SLC4A4: variants seen among roughly 807,000 people sequenced by gnomAD.
The protein encoded by SLC4A4 is solute carrier family 4 member 4.
A neutral mutation model predicts 111.5 loss-of-function variants in SLC4A4; 27 were observed. That is an observed-to-expected ratio of 0.24 (90% CI 0.18 to 0.33). The LOEUF (loss-of-function observed/expected upper bound fraction) is 0.33, where lower values mean the gene tolerates loss of function less well. Among genes scored for constraint, SLC4A4 ranks in the 10% least tolerant of loss-of-function variants. The pLI is 1.00. For synonymous variants in SLC4A4, 443 were observed against 463.4 expected (o/e 0.96, Z 0.57); for missense variants, 909 against 1,315.5 (o/e 0.69, Z 4.78).
chr4:71,353,294 T>A (rs1730005622), intron 5 of SLC4A4, among the ~76,000 whole-genome samples: 1 of 152,206 alleles, frequency 6.6e-6, no homozygotes, highest in South Asian at 2.1e-4. Flanking sequence ...CACTAATATG[T>A]TTGCTCTGCA....
intron 3 of SLC4A4, 142 bp downstream of exon 3, chr4:71,255,541 G>T (rs1404519189): frequency 3.2e-6 from 3 of 947,990 alleles, no homozygotes; most frequent in Non-Finnish European, 5.1e-6. Flanking sequence ...GATAATGTCT[G>T]TGGAGATGCT....
At chr4:71,487,508 G>A (rs960254454) in intron 15 of SLC4A4, among the ~76,000 whole-genome samples, 1 of 151,510 alleles carries the variant, frequency 6.6e-6, no homozygotes, top group African/African-American at 2.4e-5. Flanking sequence ...CCCATGGCTG[G>A]TAACCAAGGA....
chr4:71,392,110 A>G (rs190405897), intron 6 of SLC4A4, among the ~76,000 whole-genome samples: 1 of 152,264 alleles, frequency 6.6e-6, no homozygotes, highest in Admixed American at 6.5e-5. Flanking sequence ...AAAATGCCAC[A>G]CACCAATTTC....
intron 1 of SLC4A4, among the ~76,000 whole-genome samples, chr4:71,221,471 T>A (rs1002899654): frequency 6.6e-6 from 1 of 152,200 alleles, no homozygotes; most frequent in Non-Finnish European, 1.5e-5. Context: ...AGTGTAACCA[T>A]GGAATCAGAA....
intron 2 of SLC4A4, among the ~76,000 whole-genome samples, chr4:71,245,186 G>A (rs1720563063): frequency 6.6e-6 from 1 of 152,122 alleles, no homozygotes; most frequent in East Asian, 1.9e-4. Context: ...GTGAACAGGG[G>A]GAGAGTTCTG....
chr4:71,404,046 A>G (rs1276012885), intron 7 of SLC4A4, among the ~76,000 whole-genome samples: 1 of 152,204 alleles, frequency 6.6e-6, no homozygotes, highest in African/African-American at 2.4e-5. Context: ...TCCCAGTTAA[A>G]AGGTCATCCA....
rs1021006000 is a variant in SLC4A4 at position 71,340,502 on chromosome 4, C to T, written c.389+997C>T. Among the ~76,000 whole-genome samples the T allele has an allele frequency of 5.9e-5, 9 of 152,204 alleles. No homozygotes were observed. In the South Asian group the frequency reaches 1.9e-3, roughly 32 times the overall value. On this transcript the variant is annotated intron_variant, in intron 4 of 25. Transcript: ENST00000264485. ...TTACGTTTTATATACAGGAAAAAAA[C>T]ATAGTATACATAGGGTTTAGTACTA...
intron 2 of SLC4A4, among the ~76,000 whole-genome samples, chr4:71,158,504 C>G (rs1297036870): frequency 2.0e-5 from 3 of 152,240 alleles, no homozygotes; most frequent in Admixed American, 2.0e-4. Flanking sequence ...TTAAATACCC[C>G]CCAAATTCAA....
At chr4:71,297,554 T>G (rs1724904052) in intron 3 of SLC4A4, among the ~76,000 whole-genome samples, 1 of 141,736 alleles carries the variant, frequency 7.1e-6, no homozygotes, top group South Asian at 2.3e-4. Context: ...ACACACACTC[T>G]TTGGCAAAAG....
chr4:71,168,925 A>C (rs564245165), intron 2 of SLC4A4, among the ~76,000 whole-genome samples: 125 of 152,336 alleles, frequency 8.2e-4, no homozygotes, highest in African/African-American at 3.0e-3. Context: ...GGGCATGCAG[A>C]TATCTCTTTG....
chr4:71,251,677 G>A (rs1721081060), intron 2 of SLC4A4, among the ~76,000 whole-genome samples: 1 of 152,180 alleles, frequency 6.6e-6, no homozygotes, highest in Non-Finnish European at 1.5e-5. Flanking sequence ...GTAGATTCCA[G>A]TAGTTTTACT....
intron 1 of SLC4A4, among the ~76,000 whole-genome samples, chr4:71,193,480 TG>T (rs1169588340): frequency 6.6e-6 from 1 of 152,162 alleles, no homozygotes; most frequent in East Asian, 1.9e-4. Flanking sequence ...TTCAGTTGTG[TG>T]TTTTCCCAGT....
At chr4:71,340,762 G>A (rs1417589819) in intron 4 of SLC4A4, among the ~76,000 whole-genome samples, 1 of 151,848 alleles carries the variant, frequency 6.6e-6, no homozygotes, top group South Asian at 2.1e-4. Flanking sequence ...GGATAATAAT[G>A]CCTATTACAT....
At chr4:71,136,667 G>C (rs569765367) in intron 2 of SLC4A4, among the ~76,000 whole-genome samples, 25 of 152,212 alleles carry the variant, frequency 1.6e-4, no homozygotes, top group African/African-American at 6.0e-4. Context: ...ATGTAACTTT[G>C]AGCAAGTTAC....
chr4:71,198,739 T>C (rs1385803442), intron 1 of SLC4A4, among the ~76,000 whole-genome samples: 1 of 152,144 alleles, frequency 6.6e-6, no homozygotes, highest in Non-Finnish European at 1.5e-5. Flanking sequence ...GGCAGGAGGA[T>C]TGCTTGAGGC....
chr4:71,539,771 G>A (rs1170785501), intron 18 of SLC4A4, among the ~76,000 whole-genome samples: 1 of 152,098 alleles, frequency 6.6e-6, no homozygotes, highest in East Asian at 1.9e-4. Context: ...TTCAAGGTCA[G>A]GACCATGTTT....
chr4:71,538,215 A>G (rs1484470979), intron 18 of SLC4A4, among the ~76,000 whole-genome samples: 1 of 152,082 alleles, frequency 6.6e-6, no homozygotes, highest in Non-Finnish European at 1.5e-5. Context: ...TTTACTCACT[A>G]TGTTTTCTTA....
chr4:71,292,089 G>T (rs1332158065), intron 3 of SLC4A4, among the ~76,000 whole-genome samples: 2 of 152,076 alleles, frequency 1.3e-5, no homozygotes, highest in Admixed American at 6.5e-5. Flanking sequence ...AGAGAAATTT[G>T]TAGAAAGAAA....
In SLC4A4 at chr4:71,437,845, G is replaced by A. The variant is rs567076035; in HGVS notation, c.808-2771G>A. ...GTGTGTGGCCTCGTGGGGGCACTGA[G>A]CCAGCCCCCAACAAAGGAAATGAGC... On this transcript the variant is annotated intron_variant, in intron 7 of 25. Transcript: ENST00000264485. The A allele has an allele frequency of 7.0e-5, 14 of 199,474 alleles. No individual in the cohort carries two copies. In the South Asian group the frequency reaches 1.3e-3, roughly 18 times the overall value. The allele number at this position is 199,474 out of a possible 1,614,324, so 12.4% of individuals were successfully genotyped here.
Sources: gnomAD v4.1 joint callset for allele counts (sites outside exome capture counted in the v4.1 genomes callset) on GRCh38, gnomAD v4.1.1 for gene constraint, MANE v1.5 for transcripts, NCBI Gene and HGNC (gene_info 2026-07-23, HGNC 2026-07-21) for gene names.